Variants in RHPN2 observed in about 807,000 individuals in gnomAD.
RHPN2 encodes rhophilin-2.
Under a neutral mutation model 79.0 loss-of-function variants are expected in RHPN2, and 40 were observed. The ratio of observed to expected loss-of-function variants is 0.51; its 90% CI spans 0.39 to 0.66. The LOEUF is 0.66. Among genes scored for constraint, RHPN2 ranks in the 30% least tolerant of loss-of-function variants. The probability of loss-of-function intolerance (pLI) is 0.00; values close to 1 mark genes in which losing one functional copy is unlikely to be tolerated. For synonymous variants in RHPN2, 285 were observed against 363.5 expected (o/e 0.78, Z 2.46); for missense variants, 686 against 883.5 (o/e 0.78, Z 2.83).
chr19:33,022,849 G>T (rs1479950995), intron 3 of RHPN2, among the ~76,000 whole-genome samples: 1 of 152,160 alleles, frequency 6.6e-6, no homozygotes, highest in Non-Finnish European at 1.5e-5. Flanking sequence ...ACAGCCAGGT[G>T]AGTCCCATCC....
In RHPN2 at chr19:33,002,425, G is replaced by A. The variant is rs1351579626; in HGVS notation, c.949-22C>T. 6 of 1,613,672 alleles carry A rather than the reference G, an allele frequency of 3.7e-6. No homozygotes were observed. The East Asian group carries it at 8.9e-5, about 24-fold the overall frequency. ...CCACCTGAAATAGAAGGGACACTGG[G>A]AAGGGGCAGCCCGGCACAAGGGCCC... On this transcript the variant is annotated intron_variant, in intron 8 of 14. Transcript: ENST00000254260.
chr19:33,002,080 C>T (rs1038588806), intron 9 of RHPN2, among the ~76,000 whole-genome samples, 167 bp downstream of exon 9: 2 of 152,172 alleles, frequency 1.3e-5, no homozygotes, highest in Admixed American at 1.3e-4. Flanking sequence ...CCCCTAACCC[C>T]ACCATGGCCT....
intron 4 of RHPN2, among the ~76,000 whole-genome samples, chr19:33,014,062 G>A (rs10415371): frequency 0.4 from 59,467 of 150,104 alleles, 13,273 homozygotes; most frequent in East Asian, 0.63. Flanking sequence ...TTTTAATAGA[G>A]ATGGGGTTTT....
At chr19:32,988,562 G>A (rs1971629450) in intron 14 of RHPN2, among the ~76,000 whole-genome samples, 1 of 146,506 alleles carries the variant, frequency 6.8e-6, no homozygotes. Flanking sequence ...TGGCTTCCAA[G>A]CTCCCACCAT....
chr19:32,983,465 A>G (rs1262345581), intron 14 of RHPN2, among the ~76,000 whole-genome samples: 6 of 150,972 alleles, frequency 4.0e-5, no homozygotes, highest in Non-Finnish European at 8.9e-5. Flanking sequence ...GAGCTGAGAT[A>G]GCGCCACTCA....
intron 4 of RHPN2, among the ~76,000 whole-genome samples, chr19:33,013,343 T>C (rs1208941303): frequency 6.6e-6 from 1 of 151,940 alleles, no homozygotes; most frequent in African/African-American, 2.4e-5. Flanking sequence ...TACAGGCATG[T>C]GCCACCATGC....
intron 1 of RHPN2, among the ~76,000 whole-genome samples, chr19:33,054,537 T>C (rs1341478276): frequency 2.0e-5 from 3 of 152,140 alleles, no homozygotes; most frequent in Non-Finnish European, 4.4e-5. Flanking sequence ...AACCTGGCCA[T>C]AGGGAACTCC....
intron 4 of RHPN2, among the ~76,000 whole-genome samples, chr19:33,014,581 C>T (rs1971863086): frequency 6.7e-6 from 1 of 150,160 alleles, no homozygotes; most frequent in Non-Finnish European, 1.5e-5. Flanking sequence ...GTTGGGATTA[C>T]AGGCATGAGC....
In RHPN2 at chr19:32,990,562, G is replaced by A. The variant is rs777884423; in HGVS notation, c.1752C>T (p.Asp584=). ...VMKLLKSFGE[D]EIEMKVVSLL... ...GGCTCACGACTTTCATCTCGATCTC[G>A]TCCTCGCCAAAGCTCTTCAGCAGCT... is the stretch of plus-strand genomic sequence containing the variant. Residue 584 remains aspartate (D), a synonymous_variant, in exon 14 of 15, where the codon GAC becomes GAT. Coordinates refer to ENST00000254260, the MANE Select transcript of RHPN2 (RefSeq NM_033103.5). 13 of 1,613,692 alleles carry A rather than the reference G, an allele frequency of 8.1e-6. No homozygotes were observed. Among genetic ancestry groups the A allele is most frequent in the African/African-American group, 2.7e-5 (2 of 74,864 alleles).
chr19:33,032,780 A>G (rs1972023824), intron 2 of RHPN2, among the ~76,000 whole-genome samples: 1 of 152,118 alleles, frequency 6.6e-6, no homozygotes, highest in Admixed American at 6.5e-5. Flanking sequence ...GAATGGGTTC[A>G]TTTCTTCTTA....
chr19:33,007,998 C>A lies in RHPN2; in HGVS notation c.760+16G>T, dbSNP rs769152997. On this transcript the variant is annotated intron_variant, in intron 7 of 14. Transcript: ENST00000254260. ...GGGGCCAAGGCTCCGTCTGGTCAGC[C>A]CTGGAGGAGACATACCTGCGGCTCT... 6.2e-7 allele frequency: 1 copy of A among 1,611,868 alleles called. No individual in the cohort carries two copies. Among genetic ancestry groups the A allele is most frequent in the South Asian group, 1.1e-5 (1 of 90,988 alleles).
At chr19:33,010,532 C>T (rs949773115) in intron 6 of RHPN2, among the ~76,000 whole-genome samples, 1 of 150,330 alleles carries the variant, frequency 6.7e-6, no homozygotes, top group Admixed American at 6.7e-5. Flanking sequence ...ACAAGGCACG[C>T]GCAACTATGC....
chr19:32,997,506 T>A (rs1971712267), intron 10 of RHPN2, among the ~76,000 whole-genome samples: 1 of 151,854 alleles, frequency 6.6e-6, no homozygotes, highest in African/African-American at 2.4e-5. Flanking sequence ...TTTTTCTTTC[T>A]TGAGACGGAG....
intron 10 of RHPN2, among the ~76,000 whole-genome samples, chr19:32,998,535 T>A (rs1049339050): frequency 2.0e-5 from 3 of 151,818 alleles, no homozygotes; most frequent in African/African-American, 7.3e-5. Flanking sequence ...TAGTCCCAGC[T>A]ACTCAGGAGG....
chr19:33,017,940 G>A (rs1162180938), intron 4 of RHPN2, among the ~76,000 whole-genome samples: 1 of 151,958 alleles, frequency 6.6e-6, no homozygotes, highest in Non-Finnish European at 1.5e-5. Context: ...TGTATCATGA[G>A]GTCAGGAGTT....
At position 32,996,066 on chromosome 19, in the gene RHPN2, C is replaced by T. The variant is rs199887869; in HGVS notation, c.1380G>A (p.Glu460=). The change falls in exon 11 of 15, where the codon GAG becomes GAA. Residue 460 remains glutamate, a synonymous_variant. Coordinates refer to ENST00000254260, the MANE Select transcript of RHPN2 (RefSeq NM_033103.5). ...SRLTYAQHQE[E]DDLLNLIDAP... ...CGTCGATCAGGTTCAGCAGGTCATC[C>T]TCCTCCTGGTGCTGGGCGTACGTGA... The T allele has an allele frequency of 7.4e-6, 12 of 1,614,004 alleles. No individual in the cohort carries two copies. The East Asian group carries it at 2.5e-4, about 33-fold the overall frequency.
intron 14 of RHPN2, among the ~76,000 whole-genome samples, chr19:32,983,055 T>TACAC (rs57230466): frequency 0.097 from 9,940 of 102,094 alleles, 634 homozygotes; most frequent in African/African-American, 0.15. Context: ...CCCAGATCTC[T>TACAC]ACACACACAC....
intron 2 of RHPN2, among the ~76,000 whole-genome samples, chr19:33,029,422 G>A (rs1219151243): frequency 1.3e-5 from 2 of 151,074 alleles, no homozygotes; most frequent in African/African-American, 4.9e-5. Flanking sequence ...GCTACTCGGG[G>A]GGCTGAGGCA....
chr19:33,054,727 G>A (rs1432433056), intron 1 of RHPN2, among the ~76,000 whole-genome samples: 1 of 152,194 alleles, frequency 6.6e-6, no homozygotes, highest in East Asian at 1.9e-4. Context: ...TACCTCCAAT[G>A]CAGCCTTTGT....
Sources: gnomAD v4.1 joint callset for allele counts (sites outside exome capture counted in the v4.1 genomes callset) on GRCh38, gnomAD v4.1.1 for gene constraint, MANE v1.5 for transcripts, NCBI Gene and HGNC (gene_info 2026-07-23, HGNC 2026-07-21) for gene names.